DIAPH2: variants seen among roughly 807,000 people sequenced by gnomAD.
DIAPH2 encodes the protein protein diaphanous homolog 2.
Under a neutral mutation model 92.7 loss-of-function variants are expected in DIAPH2, and 35 were observed. The ratio of observed to expected loss-of-function variants is 0.38; its 90% CI spans 0.29 to 0.50. DIAPH2 has a LOEUF of 0.50. Ranked by LOEUF, DIAPH2 falls within the 20% of genes least tolerant of loss-of-function variation. DIAPH2 has a pLI of 0.94. For missense variants in DIAPH2, 701 were observed against 819.5 expected (o/e 0.86, Z 1.77); for synonymous variants, 301 against 280.4 (o/e 1.07, Z -0.73).
chrX:97,115,011 G>C (rs747256345), intron 21 of DIAPH2, 46 bp downstream of exon 21: 3 of 1,085,164 alleles, frequency 2.8e-6, no homozygotes, highest in Non-Finnish European at 3.7e-6. Context: ...TAATCTTCTT[G>C]TCTATGAAAG....
chrX:97,486,829 G>GTGCAC (rs777327012), intron 26 of DIAPH2, among the ~76,000 whole-genome samples: 3,695 of 111,712 alleles, frequency 0.033, 64 homozygotes, highest in Admixed American at 0.044. Flanking sequence ...ATACAATATT[G>GTGCAC]TTAACTATAG....
At chrX:97,559,468 G>A (rs377297128) in intron 26 of DIAPH2, among the ~76,000 whole-genome samples, 1 of 102,617 alleles carries the variant, frequency 9.7e-6, no homozygotes, top group Non-Finnish European at 2.0e-5. Flanking sequence ...CCAGCCTGGC[G>A]ACTGAGTGAG....
Position 97,025,280 on chromosome X carries a change from G to A in DIAPH2, c.2051-47661G>A, listed in dbSNP as rs147075612. The stretch of plus-strand genomic sequence containing the variant: ...CAGGAGAATCGTTTGAACTCGGGAG[G>A]CAGAGGTTGCAGTGAGCCGCGATTG... On this transcript the variant is annotated intron_variant, in intron 17 of 26. Coordinates refer to ENST00000324765, the MANE Select transcript of DIAPH2 (RefSeq NM_006729.5). 5.4e-4 allele frequency among the ~76,000 whole-genome samples: 60 copies of A among 110,831 alleles called. No homozygotes were observed. In the East Asian group the frequency reaches 0.017, roughly 31 times the overall value.
chrX:96,824,972 G>C (rs1466302440), intron 4 of DIAPH2, among the ~76,000 whole-genome samples: 2 of 104,132 alleles, frequency 1.9e-5, no homozygotes, highest in African/African-American at 7.0e-5. Context: ...TTGAGACAGA[G>C]TCTCACTCTG....
At chrX:97,047,689 C>G (rs2066494181) in intron 17 of DIAPH2, among the ~76,000 whole-genome samples, 1 of 105,525 alleles carries the variant, frequency 9.5e-6, no homozygotes, top group Non-Finnish European at 1.9e-5. Context: ...TGTTTTAAGT[C>G]TTGGTTCTCT....
intron 26 of DIAPH2, among the ~76,000 whole-genome samples, chrX:97,436,051 C>T (rs1258680513): frequency 1.8e-5 from 2 of 111,200 alleles, no homozygotes; most frequent in Non-Finnish European, 3.8e-5. Context: ...GTGATCCACC[C>T]TCCTTGGCCT....
At chrX:96,933,770 ATTT>A (rs757624722) in intron 10 of DIAPH2, among the ~76,000 whole-genome samples, 4 of 77,776 alleles carry the variant, frequency 5.1e-5, no homozygotes, top group Non-Finnish European at 5.0e-5. Flanking sequence ...TGCCCGGCTA[ATTT>A]TTTTTTTTTT....
chrX:96,942,099 C>A lies in DIAPH2; in HGVS notation c.1407C>A (p.Tyr469Ter). Residue 469 changes from tyrosine (Y) to a stop codon, truncating the protein, a stop_gained, in exon 13 of 27, where the codon TAC (tyrosine) becomes TAA (stop). Transcript: ENST00000324765. LOFTEE classifies it high-confidence loss of function. ...GTGGTATGGATCCAGACTTCAAATA[C>A]AGGCAAAGATTAGACATCGATTTAA... ...HCSGMDPDFK[Y>*]RQRLDIDLTH... 1 of 1,177,223 alleles carries A rather than the reference C, an allele frequency of 8.5e-7. No homozygotes were observed. The highest frequency in any genetic ancestry group is 1.2e-6 in the Non-Finnish European group (1 of 864,613).
chrX:96,839,347 C>T (rs1190230380), intron 4 of DIAPH2, among the ~76,000 whole-genome samples: 1 of 111,034 alleles, frequency 9.0e-6, no homozygotes, highest in Non-Finnish European at 1.9e-5. Context: ...CTAAAGCATG[C>T]ATTTTTCAGT....
At chrX:97,438,279 C>T (rs2070210162) in intron 26 of DIAPH2, among the ~76,000 whole-genome samples, 1 of 106,982 alleles carries the variant, frequency 9.3e-6, no homozygotes, top group South Asian at 4.1e-4. Flanking sequence ...TAGCAGATTA[C>T]ACCTGACCTT....
At chrX:96,953,519 G>C (rs767962638) in intron 15 of DIAPH2, 3 of 112,210 alleles carry the variant, frequency 2.7e-5, no homozygotes, top group South Asian at 3.7e-4. Flanking sequence ...TTGAGAAACA[G>C]AGTAATGTAA....
At chrX:97,145,858 G>A (rs1202749746) in intron 22 of DIAPH2, among the ~76,000 whole-genome samples, 1 of 109,682 alleles carries the variant, frequency 9.1e-6, no homozygotes, top group Non-Finnish European at 1.9e-5. Context: ...AGTCTCCTGA[G>A]CCATTTTTAT....
chrX:97,357,073 C>G (rs769524245), intron 24 of DIAPH2, among the ~76,000 whole-genome samples: 1 of 111,550 alleles, frequency 9.0e-6, no homozygotes. Flanking sequence ...GCAACAACGC[C>G]TCATGCAGAA....
At chrX:96,989,667 T>C (rs968956031) in intron 17 of DIAPH2, among the ~76,000 whole-genome samples, 1 of 111,744 alleles carries the variant, frequency 8.9e-6, no homozygotes, top group African/African-American at 3.2e-5. Context: ...TGGAAGTATA[T>C]TGGAATTGAG....
chrX:96,905,480 C>T (rs1426140701), intron 5 of DIAPH2, among the ~76,000 whole-genome samples: 4 of 110,859 alleles, frequency 3.6e-5, no homozygotes, highest in Non-Finnish European at 5.7e-5. Context: ...AAATTTTCCT[C>T]GTTTTGCTTT....
At chrX:96,941,096 G>A (rs1462690917) in intron 12 of DIAPH2, among the ~76,000 whole-genome samples, 1 of 111,190 alleles carries the variant, frequency 9.0e-6, no homozygotes, top group African/African-American at 3.3e-5. Context: ...TCTTATTCTT[G>A]GGACCAGACC....
chrX:97,140,037 T>A (rs1244248704), intron 21 of DIAPH2, among the ~76,000 whole-genome samples: 1 of 109,470 alleles, frequency 9.1e-6, no homozygotes, highest in African/African-American at 3.3e-5. Context: ...AAAAAAAAAA[T>A]TGTTTTTGTC....
intron 11 of DIAPH2, among the ~76,000 whole-genome samples, chrX:96,938,093 C>G (rs755348306): frequency 1.1e-3 from 124 of 110,897 alleles, no homozygotes; most frequent in Non-Finnish European, 2.2e-3. Flanking sequence ...TGCCCCCACT[C>G]CCCAAAGCTG....
intron 25 of DIAPH2, among the ~76,000 whole-genome samples, chrX:97,410,748 C>T (rs1267260972): frequency 8.9e-6 from 1 of 111,748 alleles, no homozygotes; most frequent in Non-Finnish European, 1.9e-5. Flanking sequence ...ATGAGAACTA[C>T]GTGATGCATG....
Sources: gnomAD v4.1 joint callset for allele counts (sites outside exome capture counted in the v4.1 genomes callset) on GRCh38, gnomAD v4.1.1 for gene constraint, MANE v1.5 for transcripts, NCBI Gene and HGNC (gene_info 2026-07-23, HGNC 2026-07-21) for gene names.